Variants in UBR2 observed in about 807,000 individuals in gnomAD.
The protein encoded by UBR2 is E3 ubiquitin-protein ligase UBR2.
In UBR2, 92 loss-of-function variants were observed where a neutral mutation model predicts 247.9. That is an observed-to-expected ratio of 0.37 (90% CI 0.31 to 0.44). The LOEUF (loss-of-function observed/expected upper bound fraction) is 0.44. UBR2 is among the 20% of genes least tolerant of loss of function. The pLI is 1.00. For synonymous variants in UBR2, 672 were observed against 693.5 expected, an observed-to-expected ratio of 0.97 and a Z score of 0.49; for missense variants, 1,613 against 2,112.6, an observed-to-expected ratio of 0.76 and a Z score of 4.64.
chr6:42,644,394 T>C, intron 19 of UBR2, 58 bp downstream of exon 19: 1 of 1,605,078 alleles, frequency 6.2e-7, no homozygotes, highest in Non-Finnish European at 8.5e-7. Context: ...TTTCCTTCTT[T>C]TTGGATATGT....
At chr6:42,665,535 C>A (rs1436342538) in intron 33 of UBR2, 23 bp downstream of exon 33, 1 of 1,552,816 alleles carries the variant, frequency 6.4e-7, no homozygotes, top group South Asian at 1.2e-5. Context: ...AACCTGTTTT[C>A]ATTTTTCCCT....
At position 42,642,397 on chromosome 6, in the gene UBR2, T is replaced by C. The variant is rs1227776505; in HGVS notation, c.2032-19T>C. ...GCCAATAAAAACTATTTACTCAATA[T>C]AATTACTTTTTTTTTTAGATTTATT... On this transcript the variant is annotated intron_variant, in intron 17 of 46. Transcript: ENST00000372901. The C allele has an allele frequency of 6.4e-7, 1 of 1,550,730 alleles. No homozygotes were observed. The highest frequency in any genetic ancestry group is 1.2e-5 in the South Asian group (1 of 86,680).
chr6:42,634,779 T>C (rs73422528), intron 13 of UBR2, among the ~76,000 whole-genome samples: 2,845 of 152,282 alleles, frequency 0.019, 76 homozygotes, highest in African/African-American at 0.066. Flanking sequence ...AGTTCCTAGG[T>C]TGGGTGGTAG....
At chr6:42,565,849 T>C (rs1368027576) in intron 1 of UBR2, among the ~76,000 whole-genome samples, 1 of 152,038 alleles carries the variant, frequency 6.6e-6, no homozygotes, top group Non-Finnish European at 1.5e-5. Context: ...CGTGAGCCAC[T>C]GCGCCCTGCC....
Position 42,689,463 on chromosome 6 carries a change from T to C in UBR2, c.5025-106T>C, listed in dbSNP as rs998521814. ...TTTTTAATGGATAACTTCCTCCTAATAGTGGTTTAAATATCAGTACTATAA... is the reference window on the plus strand; with the variant it reads ...TTTTTAATGGATAACTTCCTCCTAACAGTGGTTTAAATATCAGTACTATAA... On this transcript the variant is annotated intron_variant, in intron 45 of 46. Transcript: ENST00000372901. The surrounding 1 kb of genome is among the most constrained non-coding windows in gnomAD (Gnocchi z 4.0). 5.5e-5 allele frequency: 59 copies of C among 1,078,894 alleles called. No homozygotes were observed. The African/African-American group carries it at 8.1e-4, about 15-fold the overall frequency. 66.8% of individuals were successfully genotyped at this position (1,078,894 alleles called of 1,614,324 possible).
At chr6:42,633,052 A>C (rs1355968269) in intron 13 of UBR2, 148 bp downstream of exon 13, 1 of 525,360 alleles carries the variant, frequency 1.9e-6, no homozygotes, top group African/African-American at 2.1e-5. Context: ...AGTCATAGAC[A>C]CAACCATAGT....
At chr6:42,654,841 T>C (rs1387840429) in intron 25 of UBR2, among the ~76,000 whole-genome samples, 1 of 152,264 alleles carries the variant, frequency 6.6e-6, no homozygotes, top group East Asian at 1.9e-4. Flanking sequence ...ATAAAGTTTA[T>C]AAATGATAAG....
At chr6:42,579,384 C>T (rs1477222609) in intron 2 of UBR2, among the ~76,000 whole-genome samples, 2 of 152,216 alleles carry the variant, frequency 1.3e-5, no homozygotes, top group African/African-American at 2.4e-5. Flanking sequence ...CACCTCCCAC[C>T]AGGCCCCACC....
At position 42,602,752 on chromosome 6, in the gene UBR2, C is replaced by CTG. The variant is rs1200686500; in HGVS notation, c.532-829_532-828dup. Among the ~76,000 whole-genome samples, 366 of 122,518 alleles carry CTG rather than the reference C, an allele frequency of 3.0e-3. 1 individual carries two copies. The highest frequency in any genetic ancestry group is 0.011 in the African/African-American group (352 of 30,946). The allele number at this position is 122,518 out of a possible 152,430, so 80.4% of individuals were successfully genotyped here. A position where few individuals can be genotyped will look rare whatever the true frequency, so the allele number is the denominator to read the frequency against. ...TTTTGCACTATGTTTTATTTTTATG[C>CTG]TGTGTGTGCGTGTGTGTGTGTGTGT... On this transcript the variant is annotated intron_variant, in intron 4 of 46. Transcript: ENST00000372901.
rs538300454 is a variant in UBR2 at position 42,679,658 on chromosome 6, C to G, written c.4610-66C>G. On this transcript the variant is annotated intron_variant, in intron 41 of 46. Transcript: ENST00000372901. ...CCTTTTTTTTTAAACTCTGCTATTG[C>G]TTAACTCTCATGCAGAATATGCCCT... 59 of 1,204,074 alleles carry G rather than the reference C, an allele frequency of 4.9e-5. No individual in the cohort carries two copies. The East Asian group carries it at 1.3e-3, about 27-fold the overall frequency. 74.6% of individuals were successfully genotyped at this position (1,204,074 alleles called of 1,614,324 possible). A position where few individuals can be genotyped will look rare whatever the true frequency, so the allele number is the denominator to read the frequency against.
chr6:42,653,211 A>G (rs1018239907), intron 25 of UBR2, among the ~76,000 whole-genome samples: 5 of 152,160 alleles, frequency 3.3e-5, no homozygotes, highest in Non-Finnish European at 7.3e-5. Flanking sequence ...CAGTATCCCA[A>G]GTACCTGGGA....
At chr6:42,564,692 C>T (rs1790674596) in intron 1 of UBR2, among the ~76,000 whole-genome samples, 1 of 152,260 alleles carries the variant, frequency 6.6e-6, no homozygotes, top group Non-Finnish European at 1.5e-5. Flanking sequence ...CATTAAGTCT[C>T]CCAACACATG....
At chr6:42,649,997 T>C (rs1797019382) in intron 22 of UBR2, among the ~76,000 whole-genome samples, 1 of 152,248 alleles carries the variant, frequency 6.6e-6, no homozygotes, top group South Asian at 2.1e-4. Flanking sequence ...TTTGGAGATG[T>C]TGTAATTTGT....
chr6:42,599,618 T>TTTG (rs58082409), intron 4 of UBR2, among the ~76,000 whole-genome samples: 4 of 151,164 alleles, frequency 2.6e-5, no homozygotes, highest in Non-Finnish European at 5.9e-5. Context: ...GGGGGTTTTT[T>TTTG]TTGTTGTTGT....
chr6:42,649,857 G>A (rs1167975014), intron 22 of UBR2, among the ~76,000 whole-genome samples: 1 of 151,964 alleles, frequency 6.6e-6, no homozygotes, highest in Non-Finnish European at 1.5e-5. Flanking sequence ...TGGCTTCTGG[G>A]TTTTATAACT....
intron 7 of UBR2, among the ~76,000 whole-genome samples, chr6:42,610,127 T>C (rs73440644): frequency 0.019 from 2,869 of 152,200 alleles, 80 homozygotes; most frequent in African/African-American, 0.067. Flanking sequence ...TAGTATGTGA[T>C]CATGGTACCT....
rs1798545836 is a variant in UBR2 at position 42,673,265 on chromosome 6, GTGT to G, written c.4087-524_4087-522del. Among the ~76,000 whole-genome samples the G allele has an allele frequency of 3.3e-5, 5 of 152,322 alleles. No individual in the cohort carries two copies. The East Asian group carries it at 9.6e-4, about 29-fold the overall frequency. ...TCTTTAGGATAAACATAAGAGATAT[GTGT>G]TTTAGGGTATCTGTTTAGGATAAAC... On this transcript the variant is annotated intron_variant, in intron 36 of 46. Coordinates refer to ENST00000372901, the MANE Select transcript of UBR2 (RefSeq NM_001363705.2).
rs573781770 is a variant in UBR2, at chr6:42,617,991, T to C, written c.1281+484T>C. 9.2e-5 allele frequency among the ~76,000 whole-genome samples: 14 copies of C among 152,378 alleles called. No homozygotes were observed. In the South Asian group the frequency reaches 2.7e-3, roughly 29 times the overall value. ...CGAGTTGCCCATAAAGGCATCGTTATGTTTTAACGCTATATACATAATTAA... is the reference window on the plus strand; with the variant it reads ...CGAGTTGCCCATAAAGGCATCGTTACGTTTTAACGCTATATACATAATTAA... On this transcript the variant is annotated intron_variant, in intron 11 of 46. Coordinates refer to ENST00000372901, the MANE Select transcript of UBR2 (RefSeq NM_001363705.2).
At chr6:42,603,833 C>T in intron 5 of UBR2, 115 bp downstream of exon 5, 1 of 1,082,804 alleles carries the variant, frequency 9.2e-7, no homozygotes. Context: ...GAACAATAAC[C>T]TCAATTTTAT....
Sources: gnomAD v4.1 joint callset for allele counts (sites outside exome capture counted in the v4.1 genomes callset) on GRCh38, gnomAD v4.1.1 for gene constraint, Gnocchi (gnomAD v3.1) non-coding constraint, MANE v1.5 for transcripts, NCBI Gene and HGNC (gene_info 2026-07-23, HGNC 2026-07-21) for gene names.